FSD1L: variants seen among roughly 807,000 people sequenced by gnomAD.
The protein encoded by FSD1L is FSD1-like protein.
FSD1L carries 45 observed loss-of-function variants against 71.6 expected under a neutral mutation model. That is an observed-to-expected ratio of 0.63 (90% CI 0.49 to 0.81). The LOEUF (loss-of-function observed/expected upper bound fraction) is 0.81. FSD1L is among the 30% of genes least tolerant of loss of function. The probability of loss-of-function intolerance (pLI) is 0.00; values close to 1 mark genes in which losing one functional copy is unlikely to be tolerated. For missense variants in FSD1L, 561 were observed against 618.1 expected, an observed-to-expected ratio of 0.91 and a Z score of 0.98; for synonymous variants, 197 against 207.2, an observed-to-expected ratio of 0.95 and a Z score of 0.42.
chr9:105,461,248 G>T (rs1830674283), intron 1 of FSD1L, among the ~76,000 whole-genome samples: 1 of 152,034 alleles, frequency 6.6e-6, no homozygotes, highest in Non-Finnish European at 1.5e-5. Flanking sequence ...TATTATCCAG[G>T]ATGGTAGCTT....
At chr9:105,495,396 C>T (rs950080792) in intron 7 of FSD1L, among the ~76,000 whole-genome samples, 3 of 152,162 alleles carry the variant, frequency 2.0e-5, no homozygotes, top group Admixed American at 1.3e-4. Context: ...TTCCAGGTGC[C>T]GTCTGTCACC....
At chr9:105,452,047 G>A in intron 1 of FSD1L, among the ~76,000 whole-genome samples, 1 of 152,158 alleles carries the variant, frequency 6.6e-6, no homozygotes, top group South Asian at 2.1e-4. Flanking sequence ...GGGGTAGTGA[G>A]TGACAGGTGA....
chr9:105,465,034 G>A (rs185518414), intron 3 of FSD1L, among the ~76,000 whole-genome samples: 1 of 152,154 alleles, frequency 6.6e-6, no homozygotes, highest in Non-Finnish European at 1.5e-5. Context: ...GTAGATGAAA[G>A]TAACATAAAA....
intron 5 of FSD1L, chr9:105,473,428 A>C (rs1411543572): frequency 6.6e-6 from 1 of 152,218 alleles, no homozygotes; most frequent in Non-Finnish European, 1.5e-5. Context: ...AGTCATCAAA[A>C]TCAACATCAT....
chr9:105,503,209 A>G (rs1833870220), intron 7 of FSD1L, among the ~76,000 whole-genome samples: 1 of 152,156 alleles, frequency 6.6e-6, no homozygotes, highest in Admixed American at 6.5e-5. Context: ...TAGGTTTTAA[A>G]AATTCATGAA....
chr9:105,444,882 T>C (rs1189506919), upstream of FSD1L, among the ~76,000 whole-genome samples: 1 of 152,204 alleles, frequency 6.6e-6, no homozygotes, highest in Non-Finnish European at 1.5e-5. Context: ...ACACAGATTT[T>C]TGGATTCTAC....
At position 105,505,104 on chromosome 9, in the gene FSD1L, GTA is replaced by G. The variant is rs1369736108; in HGVS notation, c.587-1292_587-1291del. 2.6e-4 allele frequency among the ~76,000 whole-genome samples: 40 copies of G among 152,270 alleles called. 1 individual carries two copies. The highest frequency in any genetic ancestry group is 2.3e-3 in the Admixed American group (35 of 15,294). On this transcript the variant is annotated intron_variant, in intron 7 of 13. Transcript: ENST00000481272. The stretch of plus-strand genomic sequence containing the variant: ...AACAGTTCTGTGGGTTCTGATAAAT[GTA>G]TAGTGTCTTATATCTACCATTATAT...
At chr9:105,526,340 C>T (rs966087572) in intron 10 of FSD1L, 3 of 1,611,806 alleles carry the variant, frequency 1.9e-6, no homozygotes, top group African/African-American at 2.7e-5. Flanking sequence ...CACCATTTAC[C>T]ATCTGATGCC....
intron 3 of FSD1L, among the ~76,000 whole-genome samples, chr9:105,466,681 A>C (rs1446685152): frequency 1.4e-5 from 2 of 137,940 alleles, no homozygotes; most frequent in Non-Finnish European, 3.1e-5. Flanking sequence ...TGATAGAGTG[A>C]GACTCTGTCT....
At chr9:105,510,373 A>G (rs536142422) in intron 9 of FSD1L, among the ~76,000 whole-genome samples, 3 of 152,300 alleles carry the variant, frequency 2.0e-5, no homozygotes, top group Admixed American at 1.3e-4. Context: ...GGGTTATTCC[A>G]TAGCATTAGT....
At chr9:105,458,562 T>C (rs555801923) in intron 1 of FSD1L, among the ~76,000 whole-genome samples, 1 of 152,036 alleles carries the variant, frequency 6.6e-6, no homozygotes, top group South Asian at 2.1e-4. Context: ...TTTTATGGGC[T>C]CAAAGTGGGG....
intron 4 of FSD1L, among the ~76,000 whole-genome samples, chr9:105,471,665 G>C (rs1831468876): frequency 6.7e-6 from 1 of 148,906 alleles, no homozygotes; most frequent in Non-Finnish European, 1.5e-5. Flanking sequence ...TATGGCAAGA[G>C]GTACAAAGTA....
intron 2 of FSD1L, 107 bp downstream of exon 2, chr9:105,461,722 A>G (rs978300467): frequency 7.5e-6 from 5 of 668,342 alleles, no homozygotes; most frequent in Admixed American, 5.0e-5. Flanking sequence ...AACATTAAAA[A>G]GGTAGGCTTT....
chr9:105,515,493 C>T (rs918544426), intron 10 of FSD1L, among the ~76,000 whole-genome samples: 2 of 152,178 alleles, frequency 1.3e-5, no homozygotes, highest in Admixed American at 6.5e-5. Context: ...CGGTTCATCT[C>T]ATTGGGACTG....
chr9:105,532,930 T>C (rs762813372), intron 10 of FSD1L, among the ~76,000 whole-genome samples: 3 of 152,202 alleles, frequency 2.0e-5, no homozygotes, highest in Non-Finnish European at 4.4e-5. Context: ...TAATGCAGAA[T>C]GAAGTCACTG....
At position 105,550,757 on chromosome 9, in the gene FSD1L, C is replaced by T. The variant is rs1837230398; in HGVS notation, c.*4274C>T. 1 of 151,932 alleles carries T rather than the reference C, an allele frequency of 6.6e-6. No homozygotes were observed. Among genetic ancestry groups the T allele is most frequent in the East Asian group, 1.9e-4 (1 of 5,188 alleles). The allele number at this position is 151,932 out of a possible 1,614,324, so 9.4% of individuals were successfully genotyped here. On this transcript the variant is annotated 3_prime_UTR_variant, in exon 14 of 14. Coordinates refer to ENST00000481272, the MANE Select transcript of FSD1L (RefSeq NM_001145313.3). The stretch of plus-strand genomic sequence containing the variant: ...CTTATAAATAAATACCAGAATTTAC[C>T]AGAGTACACTTTTCTCTTCAGATGA...
chr9:105,485,942 T>G (rs1336205710), intron 7 of FSD1L, among the ~76,000 whole-genome samples: 1 of 152,158 alleles, frequency 6.6e-6, no homozygotes, highest in Non-Finnish European at 1.5e-5. Flanking sequence ...AGTACTTTTT[T>G]TTTTGGAGTC....
rs77268599 is a variant in FSD1L at position 105,530,220 on chromosome 9, G to A, written c.1026-4273G>A. On this transcript the variant is annotated intron_variant, in intron 10 of 13. Coordinates refer to ENST00000481272, the MANE Select transcript of FSD1L (RefSeq NM_001145313.3). ...AATTATTTGGGAAGCTGGTAAAACA[G>A]TCCAGACTAGAGGTAGCTGAAGAGG... Among the ~76,000 whole-genome samples, 1,403 of 152,286 alleles carry A rather than the reference G, an allele frequency of 9.2e-3. 22 individuals are homozygous for A. The highest frequency in any genetic ancestry group is 0.032 in the African/African-American group (1,344 of 41,558).
In FSD1L at chr9:105,525,801, T is replaced by C. The variant is rs1589079827; in HGVS notation, c.1026-8692T>C. On this transcript the variant is annotated intron_variant, in intron 10 of 13. Coordinates refer to ENST00000481272, the MANE Select transcript of FSD1L (RefSeq NM_001145313.3). The stretch of plus-strand genomic sequence containing the variant: ...GTTTGGAGGTAAATCTTACAAACCA[T>C]TGTGGTTTTATGGGAGGACTACAAA... The C allele has an allele frequency of 5.0e-6, 8 of 1,607,746 alleles. No individual in the cohort carries two copies. The South Asian group carries it at 5.5e-5, about 11-fold the overall frequency.
Sources: gnomAD v4.1 joint callset for allele counts (sites outside exome capture counted in the v4.1 genomes callset) on GRCh38, gnomAD v4.1.1 for gene constraint, MANE v1.5 for transcripts, NCBI Gene and HGNC (gene_info 2026-07-23, HGNC 2026-07-21) for gene names.